Variants in COLEC12 observed in about 807,000 individuals in gnomAD.
COLEC12 encodes the protein collectin subfamily member 12.
COLEC12 carries 33 observed loss-of-function variants against 71.1 expected under a neutral mutation model. The ratio of observed to expected loss-of-function variants is 0.46; its 90% CI spans 0.35 to 0.62. COLEC12 has a LOEUF of 0.62. Among genes scored for constraint, COLEC12 ranks in the 20% least tolerant of loss-of-function variants. The pLI is 0.00. For missense variants in COLEC12, 765 were observed against 916.1 expected (o/e 0.84, Z 2.13); for synonymous variants, 350 against 353.0 (o/e 0.99, Z 0.10).
intron 2 of COLEC12, among the ~76,000 whole-genome samples, chr18:393,076 C>T (rs1915496614): frequency 6.6e-6 from 1 of 152,218 alleles, no homozygotes. Context: ...ATTCACACAT[C>T]AAGCCAAACC....
At chr18:471,809 G>A (rs1954816) in intron 2 of COLEC12, among the ~76,000 whole-genome samples, 127,945 of 152,098 alleles carry the variant, frequency 0.84, 54,301 homozygotes, top group East Asian at 0.98. Flanking sequence ...TCCTCCCCAA[G>A]TAATTAGTCC....
chr18:379,120 T>G (rs1360175039), intron 2 of COLEC12, among the ~76,000 whole-genome samples: 2 of 148,824 alleles, frequency 1.3e-5, no homozygotes, highest in African/African-American at 5.0e-5. Flanking sequence ...GAAGGTTTTG[T>G]TTTTGTTTTT....
intron 2 of COLEC12, among the ~76,000 whole-genome samples, chr18:394,931 AAC>A (rs1915537565): frequency 1.3e-5 from 2 of 152,206 alleles, no homozygotes; most frequent in Non-Finnish European, 2.9e-5. Context: ...AACAAAACAA[AAC>A]AAAACAAAAA....
chr18:455,895 A>G (rs891230031), intron 2 of COLEC12, among the ~76,000 whole-genome samples: 3 of 152,000 alleles, frequency 2.0e-5, no homozygotes, highest in Non-Finnish European at 1.5e-5. Flanking sequence ...CCATTTGCAC[A>G]TTTTCTTTGC....
chr18:318,509 T>TTTTTTTC lies in COLEC12; in HGVS notation c.*1535_*1536insGAAAAAA. Reference sequence around the variant, plus strand: ...AAAGGTTTTTTTTTTTTTTTTTTTTTTGAGATGGAGTCTTGCTCTGTCACC... The same window carrying TTTTTTTC: ...AAAGGTTTTTTTTTTTTTTTTTTTTTTTTTTTCTGAGATGGAGTCTTGCTCTGTCACC... On this transcript the variant is annotated 3_prime_UTR_variant, in exon 10 of 10. Coordinates refer to ENST00000400256, the MANE Select transcript of COLEC12 (RefSeq NM_130386.3). 2 of 140,238 alleles carry TTTTTTTC rather than the reference T, an allele frequency of 1.4e-5. 1 individual carries two copies. The highest frequency in any genetic ancestry group is 3.1e-5 in the Non-Finnish European group (2 of 64,630). 8.7% of individuals were successfully genotyped at this position (140,238 alleles called of 1,614,324 possible). A position where few individuals can be genotyped will look rare whatever the true frequency, so the allele number is the denominator to read the frequency against.
At chr18:401,130 C>G (rs1246979702) in intron 2 of COLEC12, among the ~76,000 whole-genome samples, 1 of 152,104 alleles carries the variant, frequency 6.6e-6, no homozygotes, top group Non-Finnish European at 1.5e-5. Context: ...GGAAGGTAGA[C>G]TTTGTCTTCC....
chr18:395,950 C>T (rs539348612), intron 2 of COLEC12, among the ~76,000 whole-genome samples: 1 of 152,322 alleles, frequency 6.6e-6, no homozygotes, highest in East Asian at 1.9e-4. Context: ...TGGACCCAGC[C>T]ATTACTGTGC....
At chr18:363,955 T>G (rs1475073904) in intron 2 of COLEC12, among the ~76,000 whole-genome samples, 1 of 152,234 alleles carries the variant, frequency 6.6e-6, no homozygotes, top group African/African-American at 2.4e-5. Context: ...AATCACTTTC[T>G]GTGCAAAATA....
At chr18:375,600 C>A (rs56947113) in intron 2 of COLEC12, among the ~76,000 whole-genome samples, 1 of 152,164 alleles carries the variant, frequency 6.6e-6, no homozygotes, top group African/African-American at 2.4e-5. Flanking sequence ...TGGGCTCAAG[C>A]GAGCCTCCCA....
At chr18:355,844 C>T (rs1243842005) in intron 3 of COLEC12, among the ~76,000 whole-genome samples, 1 of 152,192 alleles carries the variant, frequency 6.6e-6, no homozygotes, top group Non-Finnish European at 1.5e-5. Context: ...CTTCCCACCC[C>T]ACCTCTGCCC....
chr18:399,845 T>G lies in COLEC12; in HGVS notation c.59-42323A>C, dbSNP rs970816415. Among the ~76,000 whole-genome samples the G allele has an allele frequency of 6.6e-6, 1 of 152,176 alleles. No homozygotes were observed. Among genetic ancestry groups the G allele is most frequent in the Non-Finnish European group, 1.5e-5 (1 of 68,028 alleles). On this transcript the variant is annotated intron_variant, in intron 2 of 9. Transcript: ENST00000400256. The surrounding 1 kb of genome is among the most constrained non-coding windows in gnomAD (Gnocchi z 4.0). ...ACTATGCTGGTGCACTTGGCAAATT[T>G]ATTTTCATCTGCTTCACAGTTTGCT...
chr18:359,789 G>C (rs564849347), intron 2 of COLEC12, among the ~76,000 whole-genome samples: 2 of 152,166 alleles, frequency 1.3e-5, no homozygotes, highest in African/African-American at 4.8e-5. Flanking sequence ...AGCACATAAA[G>C]GACTGATCTA....
At chr18:441,365 T>C (rs2143695151) in intron 2 of COLEC12, among the ~76,000 whole-genome samples, 1 of 152,294 alleles carries the variant, frequency 6.6e-6, no homozygotes, top group East Asian at 1.9e-4. Context: ...ATAAGGACCA[T>C]CTTTGGAAAC....
chr18:349,731 C>T (rs767128045), intron 3 of COLEC12, among the ~76,000 whole-genome samples: 7 of 152,196 alleles, frequency 4.6e-5, no homozygotes, highest in South Asian at 2.1e-4. Context: ...CCACCTCTTG[C>T]GTCAGCATGA....
At chr18:426,375 G>T (rs1160909512) in intron 2 of COLEC12, among the ~76,000 whole-genome samples, 2 of 152,168 alleles carry the variant, frequency 1.3e-5, no homozygotes, top group Non-Finnish European at 2.9e-5. Context: ...ATGTTTTGGG[G>T]TCTGCGAGCA....
intron 2 of COLEC12, among the ~76,000 whole-genome samples, chr18:460,652 A>G (rs533637283): frequency 1.3e-5 from 2 of 152,342 alleles, no homozygotes; most frequent in Admixed American, 1.3e-4. Flanking sequence ...TGCAACAAAA[A>G]GGCACGTGAG....
At chr18:385,745 T>C (rs1239145494) in intron 2 of COLEC12, among the ~76,000 whole-genome samples, 1 of 152,148 alleles carries the variant, frequency 6.6e-6, no homozygotes, top group Non-Finnish European at 1.5e-5. Flanking sequence ...ATAGAGATAA[T>C]GAAAATCTGG....
chr18:468,292 C>CA (rs1302969186), intron 2 of COLEC12, among the ~76,000 whole-genome samples: 2 of 151,374 alleles, frequency 1.3e-5, no homozygotes, highest in Non-Finnish European at 2.9e-5. Flanking sequence ...AATGCAGTAG[C>CA]AGAATAGATT....
intron 1 of COLEC12, among the ~76,000 whole-genome samples, chr18:482,051 C>A (rs2143774273): frequency 6.6e-6 from 1 of 152,028 alleles, no homozygotes; most frequent in South Asian, 2.1e-4. Flanking sequence ...CGTAGTTTTT[C>A]AATTCCCATC....
Sources: gnomAD v4.1 joint callset for allele counts (sites outside exome capture counted in the v4.1 genomes callset) on GRCh38, gnomAD v4.1.1 for gene constraint, Gnocchi (gnomAD v3.1) non-coding constraint, MANE v1.5 for transcripts, NCBI Gene and HGNC (gene_info 2026-07-23, HGNC 2026-07-21) for gene names.